C2orf76: variants seen among roughly 807,000 people sequenced by gnomAD.
C2orf76 encodes the protein UPF0538 protein C2orf76.
In C2orf76, 23 loss-of-function variants were observed where a neutral mutation model predicts 16.9. The observed-to-expected ratio is 1.36, with a 90% confidence interval of 0.98 to 1.93. The LOEUF is 1.93. Among genes scored for constraint, C2orf76 ranks in the 30% most tolerant of loss-of-function variants. The pLI, the probability that C2orf76 is intolerant of heterozygous loss-of-function variation, is 0.00. For missense variants in C2orf76, 152 were observed against 152.6 expected (o/e 1.00, Z 0.02); for synonymous variants, 48 against 52.3 (o/e 0.92, Z 0.35).
chr2:119,288,986 T>C, the C2orf76 span, among the ~76,000 whole-genome samples: 1 of 151,960 alleles, frequency 6.6e-6, no homozygotes, highest in Non-Finnish European at 1.5e-5. Flanking sequence ...ACCGAAATAA[T>C]CTGTCTTCAA....
At chr2:119,309,492 T>A (rs1286322461) in intron 5 of C2orf76, among the ~76,000 whole-genome samples, 3 of 138,930 alleles carry the variant, frequency 2.2e-5, no homozygotes, top group Non-Finnish European at 4.6e-5. Flanking sequence ...TGATCTCAGC[T>A]CACTGCACCC....
intron 1 of C2orf76, 160 bp downstream of exon 1, chr2:119,366,630 C>T: frequency 2.4e-6 from 1 of 419,044 alleles, no homozygotes; most frequent in African/African-American, 2.1e-5. Context: ...TCAGGCCGGG[C>T]AAGATTTAAG....
At chr2:119,320,628 T>C (rs1021567908) in intron 3 of C2orf76, among the ~76,000 whole-genome samples, 3 of 152,208 alleles carry the variant, frequency 2.0e-5, no homozygotes, top group African/African-American at 7.2e-5. Context: ...TACTTTAAAA[T>C]GTCTGCACCA....
chr2:119,349,566 A>G (rs1680315926), intron 1 of C2orf76, among the ~76,000 whole-genome samples: 1 of 152,172 alleles, frequency 6.6e-6, no homozygotes, highest in Non-Finnish European at 1.5e-5. Flanking sequence ...CTACAATGAC[A>G]GCTCACAGTT....
the C2orf76 span, among the ~76,000 whole-genome samples, chr2:119,286,288 C>T: frequency 6.6e-6 from 1 of 150,504 alleles, no homozygotes; most frequent in East Asian, 1.9e-4. Flanking sequence ...GAGGACTGGC[C>T]AGCACACAGC....
At chr2:119,354,347 C>T (rs1461851126) in intron 1 of C2orf76, among the ~76,000 whole-genome samples, 2 of 152,088 alleles carry the variant, frequency 1.3e-5, no homozygotes, top group Non-Finnish European at 1.5e-5. Context: ...ATGGTGAAAC[C>T]CCGTCTCTAC....
At chr2:119,342,817 G>T (rs1680077233) in intron 1 of C2orf76, among the ~76,000 whole-genome samples, 1 of 152,016 alleles carries the variant, frequency 6.6e-6, no homozygotes, top group South Asian at 2.1e-4. Flanking sequence ...CTGGAGTGCG[G>T]TGGTGCCATC....
intron 5 of C2orf76, among the ~76,000 whole-genome samples, chr2:119,306,922 C>T (rs1455019974): frequency 2.6e-5 from 4 of 152,104 alleles, no homozygotes; most frequent in Non-Finnish European, 5.9e-5. Flanking sequence ...AATTTCCCCA[C>T]TTGCAGCCTT....
intron 5 of C2orf76, among the ~76,000 whole-genome samples, chr2:119,304,167 G>A (rs556545376): frequency 1.3e-5 from 2 of 152,156 alleles, no homozygotes; most frequent in East Asian, 1.9e-4. Flanking sequence ...AGAGGTAGAT[G>A]TATATAATTT....
chr2:119,303,496 C>A (rs1678680926), intron 5 of C2orf76, among the ~76,000 whole-genome samples: 1 of 152,194 alleles, frequency 6.6e-6, no homozygotes, highest in South Asian at 2.1e-4. Flanking sequence ...GCATACTGAG[C>A]ACTCAATTAA....
chr2:119,281,519 A>G, the C2orf76 span, among the ~76,000 whole-genome samples: 275 of 76,414 alleles, frequency 3.6e-3, 2 homozygotes, highest in African/African-American at 0.028. Context: ...AAAGAAAATA[A>G]AAAGAGAGAG....
the C2orf76 span, among the ~76,000 whole-genome samples, chr2:119,295,224 G>A: frequency 5.0e-4 from 76 of 152,208 alleles, no homozygotes; most frequent in African/African-American, 1.6e-3. Context: ...CCTGAATTAC[G>A]AGAGATAGCT....
intron 1 of C2orf76, among the ~76,000 whole-genome samples, chr2:119,346,768 T>C (rs1328633550): frequency 6.6e-6 from 1 of 152,168 alleles, no homozygotes; most frequent in Non-Finnish European, 1.5e-5. Flanking sequence ...TGCACAGAAC[T>C]AAATGCATAC....
chr2:119,337,465 T>C (rs1679887188), intron 2 of C2orf76, among the ~76,000 whole-genome samples: 3 of 152,220 alleles, frequency 2.0e-5, no homozygotes, highest in Admixed American at 2.0e-4. Context: ...TGAGATAATC[T>C]AGGTAAAATT....
At chr2:119,340,588 T>C (rs1679994096) in intron 1 of C2orf76, among the ~76,000 whole-genome samples, 1 of 152,122 alleles carries the variant, frequency 6.6e-6, no homozygotes, top group South Asian at 2.1e-4. Context: ...AAACAAAACA[T>C]GAAGCATTTT....
chr2:119,339,907 T>A lies in C2orf76; in HGVS notation c.53A>T (p.His18Leu), dbSNP rs371885556. 5.0e-6 allele frequency: 8 copies of A among 1,613,344 alleles called. No individual in the cohort carries two copies. The African/African-American group carries it at 8.0e-5, about 16-fold the overall frequency. ...ITVRLIRSFE[H>L]RNFKPVVYHG... is the part of the protein sequence containing the mutation. ...ATACACTACAGGTTTGAAATTGCGATGTTCAAAGGAACGGATGAGGCGAAC... is the reference window on the plus strand; with the variant it reads ...ATACACTACAGGTTTGAAATTGCGAAGTTCAAAGGAACGGATGAGGCGAAC... Residue 18 changes from histidine (H) to leucine (L), a missense_variant, in exon 2 of 6, where the codon CAT becomes CTT. Physicochemically the swap from His to Leu is moderately conservative, Grantham distance 99. Transcript: ENST00000334816.
At chr2:119,295,276 G>C in the C2orf76 span, among the ~76,000 whole-genome samples, 53 of 152,280 alleles carry the variant, frequency 3.5e-4, no homozygotes, top group African/African-American at 1.2e-3. Flanking sequence ...ATAAGGGAGA[G>C]TGGCACAGGG....
intron 2 of C2orf76, among the ~76,000 whole-genome samples, chr2:119,330,160 G>C (rs1252202440): frequency 6.6e-6 from 1 of 152,078 alleles, no homozygotes; most frequent in Non-Finnish European, 1.5e-5. Flanking sequence ...GACCACTTGA[G>C]GTCAGGATTT....
the C2orf76 span, among the ~76,000 whole-genome samples, chr2:119,284,431 G>A: frequency 6.6e-6 from 1 of 152,140 alleles, no homozygotes; most frequent in African/African-American, 2.4e-5. Context: ...TCCACAGCAG[G>A]TCTCTGGCAA....
Sources: gnomAD v4.1 joint callset for allele counts (sites outside exome capture counted in the v4.1 genomes callset) on GRCh38, gnomAD v4.1.1 for gene constraint, MANE v1.5 for transcripts, NCBI Gene and HGNC (gene_info 2026-07-23, HGNC 2026-07-21) for gene names.